Variants in AP1S3 observed in about 807,000 individuals in gnomAD.
AP1S3 encodes adaptor related protein complex 1 subunit sigma 3, also known as AP-1 complex subunit sigma-3.
AP1S3 carries 10 observed loss-of-function variants against 20.9 expected under a neutral mutation model. The observed-to-expected ratio is 0.48, with a 90% confidence interval of 0.29 to 0.81. The LOEUF (loss-of-function observed/expected upper bound fraction) is 0.81. AP1S3 is among the 30% of genes least tolerant of loss of function. The pLI is 0.08. For synonymous variants in AP1S3, 41 were observed against 61.5 expected, an observed-to-expected ratio of 0.67 and a Z score of 1.56; for missense variants, 154 against 183.8, an observed-to-expected ratio of 0.84 and a Z score of 0.94.
In AP1S3 at chr2:223,757,738, A is replaced by G. The variant is rs1690254830; in HGVS notation, c.*977T>C. On this transcript the variant is annotated 3_prime_UTR_variant, in exon 5 of 5. Transcript: ENST00000396654. Reference sequence around the variant, plus strand: ...GGGAGGAAAGGGTAAGAAAAGAAAAAAGAAGGAAAGGAATCTACCATATAG... The same window carrying G: ...GGGAGGAAAGGGTAAGAAAAGAAAAGAGAAGGAAAGGAATCTACCATATAG... The G allele has an allele frequency of 6.1e-6, 6 of 985,448 alleles. No individual in the cohort carries two copies. The highest frequency in any genetic ancestry group is 7.2e-6 in the Non-Finnish European group (6 of 829,936). The allele number at this position is 985,448 out of a possible 1,614,324, so 61.0% of individuals were successfully genotyped here. A position where few individuals can be genotyped will look rare whatever the true frequency, so the allele number is the denominator to read the frequency against.
chr2:223,810,339 G>T (rs1485843505), intron 1 of AP1S3, among the ~76,000 whole-genome samples: 1 of 152,096 alleles, frequency 6.6e-6, no homozygotes, highest in Non-Finnish European at 1.5e-5. Context: ...TTGAGACAGG[G>T]TCTCCATCTA....
chr2:223,825,299 G>C (rs557739764), intron 1 of AP1S3, among the ~76,000 whole-genome samples: 116 of 142,594 alleles, frequency 8.1e-4, no homozygotes, highest in African/African-American at 2.8e-3. Context: ...GGTGACAGAG[G>C]GAGACTCCGT....
At chr2:223,774,052 G>T (rs1220733010) in intron 3 of AP1S3, among the ~76,000 whole-genome samples, 1 of 152,118 alleles carries the variant, frequency 6.6e-6, no homozygotes, top group Admixed American at 6.6e-5. Context: ...TGTTGCTGGA[G>T]AACTGTCAGG....
At chr2:223,782,655 G>A (rs1690977073) in intron 1 of AP1S3, among the ~76,000 whole-genome samples, 1 of 152,214 alleles carries the variant, frequency 6.6e-6, no homozygotes, top group South Asian at 2.1e-4. Flanking sequence ...AATTCAAGGA[G>A]AAAGGATGAT....
intron 3 of AP1S3, among the ~76,000 whole-genome samples, 154 bp from the exon 4 acceptor site, chr2:223,765,504 A>C (rs575872347): frequency 6.6e-6 from 1 of 152,336 alleles, no homozygotes; most frequent in African/African-American, 2.4e-5. Context: ...AGAACAGGGA[A>C]TGTCAGGCCT....
intron 1 of AP1S3, among the ~76,000 whole-genome samples, chr2:223,809,281 G>A (rs967824292): frequency 1.3e-5 from 2 of 152,112 alleles, no homozygotes. Flanking sequence ...CACCAGCTAT[G>A]CCTTCTGCTC....
intron 3 of AP1S3, among the ~76,000 whole-genome samples, chr2:223,774,359 C>T (rs1323828724): frequency 6.8e-6 from 1 of 147,916 alleles, no homozygotes; most frequent in Non-Finnish European, 1.5e-5. Context: ...GAACAAAACT[C>T]CGTCTCAATA....
intron 1 of AP1S3, among the ~76,000 whole-genome samples, chr2:223,799,544 A>G (rs1442885645): frequency 6.6e-6 from 1 of 152,202 alleles, no homozygotes; most frequent in African/African-American, 2.4e-5. Flanking sequence ...AATCTCAAAA[A>G]TCATCACTGT....
At chr2:223,774,246 A>T (rs9798299) in intron 3 of AP1S3, among the ~76,000 whole-genome samples, 98,747 of 151,484 alleles carry the variant, frequency 0.65, 32,941 homozygotes, top group East Asian at 0.81. Flanking sequence ...GGGCCCGTAA[A>T]CCTAGCTACT....
rs1209637123 is a variant in AP1S3 at position 223,756,242 on chromosome 2, C to T, written c.*2473G>A. Among the ~76,000 whole-genome samples the T allele has an allele frequency of 6.6e-6, 1 of 152,024 alleles. No homozygotes were observed. The highest frequency in any genetic ancestry group is 1.5e-5 in the Non-Finnish European group (1 of 68,024). ...ATCCCAGCTACTCGGGAGGCTGAGG[C>T]AGGAGAATCGTTTGAACCCAGGAGA... is the stretch of plus-strand genomic sequence containing the variant. On this transcript the variant is annotated 3_prime_UTR_variant, in exon 5 of 5. Transcript: ENST00000396654.
intron 3 of AP1S3, chr2:223,770,192 G>A (rs1363523248): frequency 6.4e-7 from 1 of 1,550,660 alleles, no homozygotes; most frequent in African/African-American, 1.4e-5. Flanking sequence ...GAAGAAAGCA[G>A]TTACCAGAGG....
rs1472225482 is a variant in AP1S3 at position 223,779,543 on chromosome 2, T to C, written c.4-1674A>G. Among the ~76,000 whole-genome samples the C allele has an allele frequency of 2.0e-5, 3 of 152,234 alleles. No homozygotes were observed. In the East Asian group the frequency reaches 5.8e-4, roughly 29 times the overall value. ...TATCAGAAGATCAGGTTTAGAATCA[T>C]AATTTATTTTGTTCAGTTTTGTTTT... On this transcript the variant is annotated intron_variant, in intron 1 of 4. Transcript: ENST00000396654.
rs78933064 is a variant in AP1S3, at chr2:223,833,350, A to G, written c.3+4098T>C. On this transcript the variant is annotated intron_variant, in intron 1 of 4. Transcript: ENST00000396654. ...CATTCTGCCCCATAAGCCTTTTTAA[A>G]CACACTGGGCTCAGCTCGTGGGATT... is the stretch of plus-strand genomic sequence containing the variant. Among the ~76,000 whole-genome samples, 1,054 of 152,258 alleles carry G rather than the reference A, an allele frequency of 6.9e-3. 11 individuals are homozygous for G. The highest frequency in any genetic ancestry group is 0.024 in the African/African-American group (1,004 of 41,550).
At chr2:223,770,229 T>C (rs532632967) in intron 3 of AP1S3, 46 of 1,550,816 alleles carry the variant, frequency 3.0e-5, no homozygotes, top group East Asian at 1.7e-4. Context: ...TCAGGAGTTA[T>C]AGTAGCAAGC....
chr2:223,828,811 G>A (rs115044594), intron 1 of AP1S3, among the ~76,000 whole-genome samples: 1,947 of 151,984 alleles, frequency 0.013, 23 homozygotes, highest in Non-Finnish European at 0.018. Context: ...TGAAATTCCT[G>A]GTAAACTTTG....
At chr2:223,815,504 C>T (rs1041987068) in intron 1 of AP1S3, among the ~76,000 whole-genome samples, 1 of 152,176 alleles carries the variant, frequency 6.6e-6, no homozygotes, top group Non-Finnish European at 1.5e-5. Context: ...CCTTCAAATT[C>T]CTGAGGACTG....
At chr2:223,769,782 C>T (rs1198424849) in intron 3 of AP1S3, among the ~76,000 whole-genome samples, 8 of 122,484 alleles carry the variant, frequency 6.5e-5, no homozygotes, top group Non-Finnish European at 1.3e-4. Flanking sequence ...GTCTCCCTGT[C>T]GCCCAGGCTG....
intron 3 of AP1S3, among the ~76,000 whole-genome samples, chr2:223,765,838 C>T (rs1452234002): frequency 6.6e-6 from 1 of 152,154 alleles, no homozygotes; most frequent in Non-Finnish European, 1.5e-5. Flanking sequence ...ATTCCAAAGG[C>T]TCATTAAAAC....
intron 1 of AP1S3, among the ~76,000 whole-genome samples, chr2:223,807,863 T>TTTAC (rs1276354566): frequency 7.4e-6 from 1 of 135,286 alleles, no homozygotes; most frequent in Non-Finnish European, 1.6e-5. Context: ...CAGGCATTTC[T>TTTAC]TTTCTTTTTT....
Sources: allele counts gnomAD v4.1 joint callset (sites outside exome capture counted in the v4.1 genomes callset), GRCh38; gene constraint gnomAD v4.1.1; transcripts MANE v1.5; gene names NCBI Gene and HGNC (gene_info 2026-07-23, HGNC 2026-07-21).